HNRNPF: variants seen among roughly 807,000 people sequenced by gnomAD.
HNRNPF encodes the protein HnRNP F protein.
A neutral mutation model predicts 26.0 loss-of-function variants in HNRNPF; 2 were observed. The observed-to-expected ratio is 0.08, with a 90% CI of 0.03 to 0.24. HNRNPF has a LOEUF of 0.24. Among genes scored for constraint, HNRNPF ranks in the 10% least tolerant of loss-of-function variants. The pLI, the probability that HNRNPF is intolerant of heterozygous loss-of-function variation, is 1.00. For missense variants in HNRNPF, 299 were observed against 539.2 expected, an observed-to-expected ratio of 0.55 and a Z score of 4.41; for synonymous variants, 234 against 211.5, an observed-to-expected ratio of 1.11 and a Z score of -0.92.
intron 3 of HNRNPF, 70 bp from the exon 4 acceptor site, chr10:43,388,006 G>A: frequency 2.6e-6 from 2 of 766,156 alleles, no homozygotes; most frequent in Non-Finnish European, 4.2e-6. Flanking sequence ...AGACGAGAGA[G>A]GTAGCAAGAC....
intron 1 of HNRNPF, among the ~76,000 whole-genome samples, chr10:43,406,650 C>T (rs1042992863): frequency 1.3e-5 from 2 of 152,172 alleles, no homozygotes; most frequent in Non-Finnish European, 2.9e-5. Flanking sequence ...CGAGATCACA[C>T]CATTGCACTC....
At chr10:43,408,962 G>C (rs138743837) in intron 1 of HNRNPF, 169 bp downstream of exon 1, 1 of 152,530 alleles carries the variant, frequency 6.6e-6, no homozygotes, top group Non-Finnish European at 1.5e-5. Context: ...AGCGCACGCG[G>C]CTTTGCCGGA....
At chr10:43,396,720 C>T (rs1838536414) in intron 1 of HNRNPF, 130 bp from the exon 2 acceptor site, 1 of 152,092 alleles carries the variant, frequency 6.6e-6, no homozygotes, top group Admixed American at 6.5e-5. Context: ...TTCCCGCGGC[C>T]TGCTCACGGC....
chr10:43,402,478 CA>C (rs1224887778), intron 1 of HNRNPF, among the ~76,000 whole-genome samples: 6 of 152,104 alleles, frequency 3.9e-5, no homozygotes, highest in Admixed American at 2.6e-4. Context: ...GAAAAGAAAC[CA>C]ACCCTATCAA....
chr10:43,387,411 C>T lies in HNRNPF; in HGVS notation c.474G>A (p.Gln158=). ...EGKITGEAFV[Q]FASQELAEKA... ...TCTCAGCTAACTCCTGCGAGGCAAACTGCACGAACGCTTCCCCTGTAATCT... is the reference window on the plus strand; with the variant it reads ...TCTCAGCTAACTCCTGCGAGGCAAATTGCACGAACGCTTCCCCTGTAATCT... The change falls in exon 4 of 4, where the codon CAG becomes CAA. Residue 158 remains glutamine, a synonymous_variant. Transcript: ENST00000682386. This position sits in a 1 kb window ranked among gnomAD's most constrained non-coding sequence, Gnocchi z 6.0. 6.8e-6 allele frequency: 11 copies of T among 1,614,250 alleles called. No homozygotes were observed. Among genetic ancestry groups the T allele is most frequent in the Non-Finnish European group, 9.3e-6 (11 of 1,180,046 alleles).
Position 43,387,044 on chromosome 10 carries a change from A to C in HNRNPF, c.841T>G (p.Phe281Val). The C allele has an allele frequency of 6.2e-7, 1 of 1,613,138 alleles. No individual in the cohort carries two copies. Among genetic ancestry groups the C allele is most frequent in the Non-Finnish European group, 8.5e-7 (1 of 1,180,014 alleles). ...TGGCCTGTGGTGCTCTGCACTGTGA[A>C]CTCACTGTCGCCGTATCTGTGGTCA... ...MYDHRYGDSE[F>V]TVQSTTGHCV... The change falls in exon 4 of 4, where the codon TTC becomes GTC. Residue 281 changes from phenylalanine (F) to valine (V), a missense_variant. Physicochemically the swap from Phe to Val is conservative, Grantham distance 50. Coordinates refer to ENST00000682386, the MANE Select transcript of HNRNPF (RefSeq NM_001098204.2). This position sits in a 1 kb window ranked among gnomAD's most constrained non-coding sequence, Gnocchi z 6.0.
At chr10:43,392,809 A>G (rs1308191107) in intron 3 of HNRNPF, among the ~76,000 whole-genome samples, 1 of 152,078 alleles carries the variant, frequency 6.6e-6, no homozygotes, top group Non-Finnish European at 1.5e-5. Flanking sequence ...AATCATCTCC[A>G]GGGTCAGGAG....
At chr10:43,389,981 A>G (rs1006086725) in intron 3 of HNRNPF, among the ~76,000 whole-genome samples, 1 of 152,152 alleles carries the variant, frequency 6.6e-6, no homozygotes, top group Non-Finnish European at 1.5e-5. Context: ...CAATTCTCAA[A>G]CTGTGCTTTG....
At position 43,402,635 on chromosome 10, in the gene HNRNPF, C is replaced by T. The variant is rs181552173; in HGVS notation, c.-246-6045G>A. ...TCACAAGAAAACTAACTTCTGAATT[C>T]TATGTACTTTAAGAGGATCGTATAT... On this transcript the variant is annotated intron_variant, in intron 1 of 3. Coordinates refer to ENST00000682386, the MANE Select transcript of HNRNPF (RefSeq NM_001098204.2). Among the ~76,000 whole-genome samples, 9 of 152,304 alleles carry T rather than the reference C, an allele frequency of 5.9e-5. No individual in the cohort carries two copies. The East Asian group carries it at 1.7e-3, about 29-fold the overall frequency.
chr10:43,406,415 C>T (rs1414162981), intron 1 of HNRNPF, among the ~76,000 whole-genome samples: 4 of 152,138 alleles, frequency 2.6e-5, no homozygotes, highest in Non-Finnish European at 5.9e-5. Flanking sequence ...AAAAAGTGGC[C>T]GGGCACGATG....
chr10:43,405,432 G>GGATCACGAGGTCAGGA (rs1350581283), intron 1 of HNRNPF, among the ~76,000 whole-genome samples: 2 of 152,122 alleles, frequency 1.3e-5, no homozygotes, highest in African/African-American at 4.8e-5. Flanking sequence ...CGAGGCCGGC[G>GGATCACGAGGTCAGGA]GATCACGAGG....
chr10:43,395,927 C>T (rs1838477963), intron 2 of HNRNPF, among the ~76,000 whole-genome samples: 1 of 152,182 alleles, frequency 6.6e-6, no homozygotes. Flanking sequence ...AGTCTGGTCT[C>T]CCCGTCCGCA....
At chr10:43,389,415 G>C (rs934150923) in intron 3 of HNRNPF, among the ~76,000 whole-genome samples, 2 of 152,080 alleles carry the variant, frequency 1.3e-5, no homozygotes, top group Non-Finnish European at 2.9e-5. Flanking sequence ...AAAAAGTAAA[G>C]GTAAGTGTAA....
chr10:43,403,016 TTC>T (rs996138262), intron 1 of HNRNPF, among the ~76,000 whole-genome samples: 29 of 152,074 alleles, frequency 1.9e-4, no homozygotes, highest in African/African-American at 6.5e-4. Context: ...TAATTAAAAA[TTC>T]TGTTTTTGAA....
At chr10:43,388,019 T>C (rs1037537059) in intron 3 of HNRNPF, 83 bp from the exon 4 acceptor site, 13 of 678,452 alleles carry the variant, frequency 1.9e-5, no homozygotes, top group Non-Finnish European at 3.2e-5. Flanking sequence ...AGCAAGACAT[T>C]AAGAAATATA....
At chr10:43,401,656 A>G (rs758461753) in intron 1 of HNRNPF, among the ~76,000 whole-genome samples, 1 of 152,216 alleles carries the variant, frequency 6.6e-6, no homozygotes, top group Non-Finnish European at 1.5e-5. Context: ...AATACAATTG[A>G]TAGGAAGATC....
chr10:43,404,066 G>A (rs944843626), intron 1 of HNRNPF, among the ~76,000 whole-genome samples: 13 of 152,034 alleles, frequency 8.6e-5, no homozygotes, highest in African/African-American at 1.7e-4. Flanking sequence ...GGAGGCCAAG[G>A]CAGGTGGATC....
intron 3 of HNRNPF, among the ~76,000 whole-genome samples, chr10:43,388,192 G>C (rs1207920307): frequency 6.6e-6 from 1 of 152,144 alleles, no homozygotes; most frequent in African/African-American, 2.4e-5. Context: ...TCAGTTTAGA[G>C]CAAGGGCATT....
intron 1 of HNRNPF, among the ~76,000 whole-genome samples, chr10:43,398,612 T>G (rs574821816): frequency 6.6e-6 from 1 of 152,010 alleles, no homozygotes. Flanking sequence ...AGTGCTGGGA[T>G]TACAGGTGTG....
Sources: gnomAD v4.1 joint callset for allele counts (sites outside exome capture counted in the v4.1 genomes callset) on GRCh38, gnomAD v4.1.1 for gene constraint, Gnocchi (gnomAD v3.1) non-coding constraint, MANE v1.5 for transcripts, NCBI Gene and HGNC (gene_info 2026-07-23, HGNC 2026-07-21) for gene names.